The following TOM1 variants were observed in gnomAD, a reference collection of about 807,000 sequenced individuals.
TOM1 encodes the protein target of Myb protein 1.
TOM1 carries 38 observed loss-of-function variants against 61.3 expected under a neutral mutation model. The observed-to-expected ratio is 0.62, with a 90% CI of 0.48 to 0.81. The LOEUF is 0.81. TOM1 is among the 40% of genes least tolerant of loss of function. The pLI is 0.00. For synonymous variants in TOM1, 270 were observed against 268.8 expected (o/e 1.00, Z -0.04); for missense variants, 591 against 659.6 (o/e 0.90, Z 1.14).
chr22:35,322,804 C>G (rs912411233), intron 3 of TOM1, among the ~76,000 whole-genome samples: 1 of 152,168 alleles, frequency 6.6e-6, no homozygotes, highest in South Asian at 2.1e-4. Context: ...GAAGTCCAGC[C>G]CACACACCAT....
chr22:35,342,935 A>C (rs1415196290), intron 12 of TOM1, among the ~76,000 whole-genome samples: 5 of 127,412 alleles, frequency 3.9e-5, no homozygotes, highest in African/African-American at 1.6e-4. Context: ...TCATACCTCC[A>C]CTCATACACC....
Position 35,309,643 on chromosome 22 carries a change from CA to C in TOM1, c.53-8217del, listed in dbSNP as rs537199618. Among the ~76,000 whole-genome samples the C allele has an allele frequency of 2.1e-3, 238 of 111,182 alleles. 1 individual carries two copies. The highest frequency in any genetic ancestry group is 5.7e-3 in the African/African-American group (143 of 24,870). The allele number at this position is 111,182 out of a possible 152,430, so 72.9% of individuals were successfully genotyped here. ...TGGGCAACAGAGTGAGACTCCATCT[CA>C]AAAAAAAAAAAAAAAAGAGAGAGAA... On this transcript the variant is annotated intron_variant, in intron 1 of 14. Transcript: ENST00000449058.
chr22:35,341,568 G>C (rs1929885076), intron 12 of TOM1, among the ~76,000 whole-genome samples: 1 of 151,868 alleles, frequency 6.6e-6, no homozygotes, highest in South Asian at 2.1e-4. Context: ...CCCCTCTCAG[G>C]CCACCTGGCC....
In TOM1 at chr22:35,343,624, C is replaced by G. The variant is rs1930193742; in HGVS notation, c.1225-2101C>G. On this transcript the variant is annotated intron_variant, in intron 12 of 14. Coordinates refer to ENST00000449058, the MANE Select transcript of TOM1 (RefSeq NM_005488.3). ...TACACACACCACACACACATCTACACCCACACCTACACACACCACACCTAT... is the reference window on the plus strand; with the variant it reads ...TACACACACCACACACACATCTACAGCCACACCTACACACACCACACCTAT... 3.4e-5 allele frequency among the ~76,000 whole-genome samples: 5 copies of G among 146,734 alleles called. No individual in the cohort carries two copies. The South Asian group carries it at 1.1e-3, about 33-fold the overall frequency.
rs1005843612 is a variant in TOM1, at chr22:35,317,259, A to G, written c.53-618A>G. ...GTCCAGGCTGGAGTGTGATGGCTCAATCTCTTTGCAACCTCCGCCTCCTGG... is the reference window on the plus strand; with the variant it reads ...GTCCAGGCTGGAGTGTGATGGCTCAGTCTCTTTGCAACCTCCGCCTCCTGG... On this transcript the variant is annotated intron_variant, in intron 1 of 14. Transcript: ENST00000449058. 4.6e-5 allele frequency among the ~76,000 whole-genome samples: 7 copies of G among 152,076 alleles called. No homozygotes were observed. In the East Asian group the frequency reaches 1.3e-3, roughly 29 times the overall value.
At chr22:35,322,865 T>TG in intron 3 of TOM1, 163 bp from the exon 4 acceptor site, 1 of 846,346 alleles carries the variant, frequency 1.2e-6, no homozygotes, top group Non-Finnish European at 1.8e-6. Flanking sequence ...CCCCCAGTCC[T>TG]GGCATTGTCC....
chr22:35,332,411 A>C (rs892258306), intron 8 of TOM1, among the ~76,000 whole-genome samples: 1 of 152,178 alleles, frequency 6.6e-6, no homozygotes, highest in Non-Finnish European at 1.5e-5. Flanking sequence ...AGACAAGCAG[A>C]CTAAAGTTCA....
At chr22:35,345,120 G>C (rs1244051834) in intron 12 of TOM1, 4 of 154,426 alleles carry the variant, frequency 2.6e-5, no homozygotes, top group African/African-American at 9.6e-5. Context: ...GGCCGAAAGT[G>C]AAATGTCCCC....
chr22:35,332,932 G>C, intron 8 of TOM1, 49 bp from the exon 9 acceptor site: 1 of 1,601,458 alleles, frequency 6.2e-7, no homozygotes, highest in Non-Finnish European at 8.6e-7. Context: ...CCGTGTGTGG[G>C]GGCCTGTCTC....
At chr22:35,304,679 C>A (rs1358336857) in intron 1 of TOM1, among the ~76,000 whole-genome samples, 1 of 152,170 alleles carries the variant, frequency 6.6e-6, no homozygotes, top group South Asian at 2.1e-4. Context: ...GGGGTTTCAC[C>A]GTGTTAGCCA....
rs140278929 is a variant in TOM1 at position 35,328,053 on chromosome 22, C to T, written c.765+666C>T. Among the ~76,000 whole-genome samples, 49 of 152,312 alleles carry T rather than the reference C, an allele frequency of 3.2e-4. No homozygotes were observed. The South Asian group carries it at 7.7e-3, about 24-fold the overall frequency. Reference sequence around the variant, plus strand: ...CACCAGAATCCATGAGGAGACAGAGCGCTTCGTGTAACTGTTCGAGTTCCT... The same window carrying T: ...CACCAGAATCCATGAGGAGACAGAGTGCTTCGTGTAACTGTTCGAGTTCCT... On this transcript the variant is annotated intron_variant, in intron 7 of 14. Transcript: ENST00000449058.
chr22:35,325,542 T>G (rs1928234350), intron 6 of TOM1, among the ~76,000 whole-genome samples: 1 of 152,188 alleles, frequency 6.6e-6, no homozygotes, highest in Non-Finnish European at 1.5e-5. Context: ...CAAGAACAGT[T>G]TTTATGTTTT....
At chr22:35,336,186 C>G (rs999456285) in intron 11 of TOM1, among the ~76,000 whole-genome samples, 1 of 152,194 alleles carries the variant, frequency 6.6e-6, no homozygotes, top group African/African-American at 2.4e-5. Flanking sequence ...TGCAGGCCCT[C>G]CCCAGGGCTT....
intron 12 of TOM1, among the ~76,000 whole-genome samples, chr22:35,341,908 G>A (rs1424424086): frequency 1.3e-5 from 2 of 152,168 alleles, no homozygotes; most frequent in Non-Finnish European, 2.9e-5. Context: ...TGCTCCTGGG[G>A]TGCTGGAGTT....
Position 35,323,610 on chromosome 22 carries a change from C to T in TOM1, c.481C>T (p.Pro161Ser), listed in dbSNP as rs1928047326. 6.2e-7 allele frequency: 1 copy of T among 1,613,980 alleles called. No homozygotes were observed. Among genetic ancestry groups the T allele is most frequent in the South Asian group, 1.1e-5 (1 of 91,082 alleles). ...CATGACTGACCTGGACATGCTGTCA[C>T]CCATCCACACACCCCAGAGGGTGAG... ...FPMTDLDMLS[P>S]IHTPQRTVFN... The change falls in exon 5 of 15, where the codon CCC (proline) becomes TCC (serine). Residue 161 changes from proline to serine, a missense_variant. Pro to Ser is a moderately conservative substitution (Grantham distance 74). Coordinates refer to ENST00000449058, the MANE Select transcript of TOM1 (RefSeq NM_005488.3). This position sits in a 1 kb window ranked among gnomAD's most constrained non-coding sequence, Gnocchi z 4.2.
intron 8 of TOM1, 151 bp downstream of exon 8, chr22:35,330,631 G>C (rs1037113591): frequency 2.5e-6 from 2 of 788,104 alleles, no homozygotes; most frequent in African/African-American, 1.8e-5. Context: ...GCCCTCAGCT[G>C]TCTTCTTCCA....
chr22:35,333,945 C>T (rs997398033), intron 10 of TOM1, among the ~76,000 whole-genome samples: 7 of 152,206 alleles, frequency 4.6e-5, no homozygotes, highest in African/African-American at 1.7e-4. Context: ...ATATAATTTA[C>T]TGTCTGCTTC....
At chr22:35,314,022 T>C (rs1470336688) in intron 1 of TOM1, among the ~76,000 whole-genome samples, 1 of 152,226 alleles carries the variant, frequency 6.6e-6, no homozygotes, top group African/African-American at 2.4e-5. Flanking sequence ...CTGAATTACT[T>C]CTGTGGTGAA....
At chr22:35,299,415 G>T, upstream of TOM1, 1 of 153,670 alleles carries the variant, frequency 6.5e-6, no homozygotes, top group Non-Finnish European at 1.5e-5. Flanking sequence ...GTGCATCTTG[G>T]AGCGGGGAGA....
Sources: gnomAD v4.1 joint callset for allele counts (sites outside exome capture counted in the v4.1 genomes callset) on GRCh38, gnomAD v4.1.1 for gene constraint, Gnocchi (gnomAD v3.1) non-coding constraint, MANE v1.5 for transcripts, NCBI Gene and HGNC (gene_info 2026-07-23, HGNC 2026-07-21) for gene names.